ZFYVE9: variants seen among roughly 807,000 people sequenced by gnomAD.
ZFYVE9 encodes the protein zinc finger FYVE-type containing 9.
In ZFYVE9, 43 loss-of-function variants were observed where a neutral mutation model predicts 126.7. The ratio of observed to expected loss-of-function variants is 0.34; its 90% CI spans 0.27 to 0.44. ZFYVE9 has a LOEUF of 0.44. Ranked by LOEUF, ZFYVE9 falls within the 20% of genes least tolerant of loss-of-function variation. The pLI is 1.00. For synonymous variants in ZFYVE9, 521 were observed against 597.4 expected, an observed-to-expected ratio of 0.87 and a Z score of 1.87; for missense variants, 1,476 against 1,697.0, an observed-to-expected ratio of 0.87 and a Z score of 2.29.
chr1:52,222,832 G>A (rs752737149), intron 2 of ZFYVE9, among the ~76,000 whole-genome samples: 12 of 152,180 alleles, frequency 7.9e-5, no homozygotes, highest in Non-Finnish European at 1.2e-4. Context: ...CCTGATTAAC[G>A]TATAGGCCTA....
chr1:52,286,156 CAAA>C (rs370860277), intron 10 of ZFYVE9, among the ~76,000 whole-genome samples: 2 of 90,586 alleles, frequency 2.2e-5, no homozygotes, highest in Admixed American at 1.2e-4. Context: ...GACTCTGTCT[CAAA>C]AAAAAAAAAA....
At chr1:52,199,409 C>T (rs559801575) in intron 1 of ZFYVE9, among the ~76,000 whole-genome samples, 5 of 152,178 alleles carry the variant, frequency 3.3e-5, no homozygotes, top group Non-Finnish European at 5.9e-5. Context: ...TTTTCCAGAA[C>T]GTCACATACT....
chr1:52,257,003 G>T (rs1232993471), intron 4 of ZFYVE9, among the ~76,000 whole-genome samples: 1 of 152,088 alleles, frequency 6.6e-6, no homozygotes, highest in Non-Finnish European at 1.5e-5. Flanking sequence ...TTCTAATTTG[G>T]AAAGAAATAA....
At chr1:52,272,844 T>C (rs969553589) in intron 7 of ZFYVE9, among the ~76,000 whole-genome samples, 1 of 151,946 alleles carries the variant, frequency 6.6e-6, no homozygotes. Context: ...ATATTTTTTG[T>C]AGAGATGGGA....
chr1:52,274,866 T>A (rs1177197128), intron 8 of ZFYVE9, among the ~76,000 whole-genome samples: 1 of 152,188 alleles, frequency 6.6e-6, no homozygotes, highest in Non-Finnish European at 1.5e-5. Flanking sequence ...GCACATAATA[T>A]TCTGAAGGAT....
rs567765060 is a variant in ZFYVE9, at chr1:52,319,934, A to G, written c.3439-12834A>G. Among the ~76,000 whole-genome samples the G allele has an allele frequency of 9.4e-5, 14 of 148,608 alleles. No individual in the cohort carries two copies. The South Asian group carries it at 3.0e-3, about 32-fold the overall frequency. On this transcript the variant is annotated intron_variant, in intron 13 of 18. Coordinates refer to ENST00000287727, the MANE Select transcript of ZFYVE9 (RefSeq NM_004799.4). ...AGGCTGAGGCAGGAGAATCTCTTGA[A>G]CCCGGGAGGCAGAGGTTGCAGTGAG...
At chr1:52,287,963 T>G (rs894518095) in intron 10 of ZFYVE9, among the ~76,000 whole-genome samples, 3 of 152,242 alleles carry the variant, frequency 2.0e-5, no homozygotes, top group Non-Finnish European at 4.4e-5. Context: ...TATTGTAGTT[T>G]TGCAAAGTAA....
rs180784334 is a variant in ZFYVE9, at chr1:52,226,980, T to C, written c.-36-6191T>C. ...CAGTTCCCAGCTTGACTTTTCCCTT[T>C]AGCTTAGTGATTTTGGGGCCCCAAG... On this transcript the variant is annotated intron_variant, in intron 2 of 18. Transcript: ENST00000287727. Among the ~76,000 whole-genome samples, 106 of 152,326 alleles carry C rather than the reference T, an allele frequency of 7.0e-4. No individual in the cohort carries two copies. In the Middle Eastern group the frequency reaches 0.017, roughly 24 times the overall value.
At chr1:52,172,470 A>T (rs1180956052) in intron 1 of ZFYVE9, among the ~76,000 whole-genome samples, 2 of 152,098 alleles carry the variant, frequency 1.3e-5, no homozygotes, top group Admixed American at 1.3e-4. Context: ...CTTAGGATTG[A>T]CTTGGTGATT....
chr1:52,151,952 G>A (rs1225136629), intron 1 of ZFYVE9, among the ~76,000 whole-genome samples: 1 of 152,064 alleles, frequency 6.6e-6, no homozygotes, highest in East Asian at 1.9e-4. Context: ...AGACTGAGGA[G>A]TGGAAGAAAC....
intron 5 of ZFYVE9, among the ~76,000 whole-genome samples, chr1:52,264,520 G>C (rs1645614385): frequency 6.6e-6 from 1 of 152,082 alleles, no homozygotes; most frequent in Non-Finnish European, 1.5e-5. Flanking sequence ...GATTTTAAGG[G>C]CATATTAGTT....
Position 52,227,450 on chromosome 1 carries a change from C to G in ZFYVE9, c.-36-5721C>G, listed in dbSNP as rs58058791. On this transcript the variant is annotated intron_variant, in intron 2 of 18. Coordinates refer to ENST00000287727, the MANE Select transcript of ZFYVE9 (RefSeq NM_004799.4). ...AATCCATTTTTCCCTTCTGTAGTAG[C>G]CACAGCTGTGATGTCACAGTCCAAT... is the stretch of plus-strand genomic sequence containing the variant. Among the ~76,000 whole-genome samples, 741 of 152,330 alleles carry G rather than the reference C, an allele frequency of 4.9e-3. 4 individuals carry two copies. Among genetic ancestry groups the G allele is most frequent in the African/African-American group, 0.017 (708 of 41,574 alleles).
At chr1:52,235,010 C>T (rs1308493168) in intron 3 of ZFYVE9, among the ~76,000 whole-genome samples, 1 of 152,078 alleles carries the variant, frequency 6.6e-6, no homozygotes, top group Non-Finnish European at 1.5e-5. Context: ...TCTGTAGATT[C>T]TATTAGGGTG....
In ZFYVE9 at chr1:52,346,430, C is replaced by A; in HGVS notation, c.*209C>A. ...AATTCTAAGTCTTCTATGCATTGTC[C>A]ACCAAGAAGATCTGGGCAGCTTCTG... On this transcript the variant is annotated 3_prime_UTR_variant, in exon 19 of 19. Transcript: ENST00000287727. The A allele has an allele frequency of 2.0e-6, 1 of 497,484 alleles. No individual in the cohort carries two copies. The highest frequency in any genetic ancestry group is 3.4e-6 in the Non-Finnish European group (1 of 291,946). 30.8% of individuals were successfully genotyped at this position (497,484 alleles called of 1,614,324 possible).
At chr1:52,203,467 CTTTTT>C (rs143649191) in intron 1 of ZFYVE9, among the ~76,000 whole-genome samples, 5 of 89,938 alleles carry the variant, frequency 5.6e-5, no homozygotes, top group Non-Finnish European at 4.5e-5. Flanking sequence ...ACAGACCCGT[CTTTTT>C]TTTTTTTTTT....
At chr1:52,148,126 A>T (rs769069600) in intron 1 of ZFYVE9, among the ~76,000 whole-genome samples, 2 of 151,442 alleles carry the variant, frequency 1.3e-5, no homozygotes, top group African/African-American at 2.4e-5. Context: ...TGAAGCTTTT[A>T]CTTGCAGATG....
chr1:52,193,760 G>T (rs377492061), intron 1 of ZFYVE9, among the ~76,000 whole-genome samples: 3 of 145,102 alleles, frequency 2.1e-5, no homozygotes, highest in East Asian at 4.2e-4. Context: ...CAGTAATTGT[G>T]CATCTTAATG....
chr1:52,251,799 A>G (rs976732945), intron 4 of ZFYVE9, among the ~76,000 whole-genome samples: 5 of 152,168 alleles, frequency 3.3e-5, no homozygotes, highest in African/African-American at 1.2e-4. Flanking sequence ...AGAATTTGCC[A>G]CCAAAATCAT....
intron 7 of ZFYVE9, among the ~76,000 whole-genome samples, chr1:52,270,980 C>G (rs1334848861): frequency 6.6e-6 from 1 of 151,988 alleles, no homozygotes; most frequent in Non-Finnish European, 1.5e-5. Flanking sequence ...GCCTGAACCC[C>G]GAGTTTGAGA....
Sources: gnomAD v4.1 joint callset for allele counts (sites outside exome capture counted in the v4.1 genomes callset) on GRCh38, gnomAD v4.1.1 for gene constraint, MANE v1.5 for transcripts, NCBI Gene and HGNC (gene_info 2026-07-23, HGNC 2026-07-21) for gene names.